The following MAP4 variants were observed in gnomAD, a reference collection of about 807,000 sequenced individuals.
MAP4 encodes the protein microtubule associated protein 4.
In MAP4, 76 loss-of-function variants were observed where a neutral mutation model predicts 170.2. That is an observed-to-expected ratio of 0.45 (90% CI 0.37 to 0.54). MAP4 has a LOEUF of 0.54. MAP4 is among the 20% of genes least tolerant of loss of function. The pLI, the probability that MAP4 is intolerant of heterozygous loss-of-function variation, is 0.00. For missense variants in MAP4, 2,506 were observed against 2,748.0 expected, an observed-to-expected ratio of 0.91 and a Z score of 1.97; for synonymous variants, 909 against 994.5, an observed-to-expected ratio of 0.91 and a Z score of 1.62.
intron 17 of MAP4, among the ~76,000 whole-genome samples, chr3:47,859,340 C>T (rs917014657): frequency 2.6e-5 from 4 of 152,170 alleles, no homozygotes; most frequent in Admixed American, 6.5e-5. Flanking sequence ...CCTTCTTGAG[C>T]CCTGTTTTCC....
At chr3:48,012,581 T>G (rs943722994) in intron 1 of MAP4, among the ~76,000 whole-genome samples, 1 of 152,174 alleles carries the variant, frequency 6.6e-6, no homozygotes, top group Non-Finnish European at 1.5e-5. Context: ...TTAAATATCA[T>G]TTATCAGAAT....
At chr3:47,952,034 C>G (rs1364807883) in intron 3 of MAP4, among the ~76,000 whole-genome samples, 1 of 151,182 alleles carries the variant, frequency 6.6e-6, no homozygotes, top group Non-Finnish European at 1.5e-5. Context: ...CGCCTCTGCC[C>G]GGCCGCGACC....
chr3:47,861,516 C>A (rs984667644), intron 17 of MAP4, among the ~76,000 whole-genome samples: 1 of 151,794 alleles, frequency 6.6e-6, no homozygotes, highest in Admixed American at 6.6e-5. Context: ...CCACGCCCAG[C>A]TGATTTTTGT....
chr3:47,881,191 T>C (rs558502790), intron 10 of MAP4, among the ~76,000 whole-genome samples: 2 of 152,004 alleles, frequency 1.3e-5, no homozygotes, highest in South Asian at 4.2e-4. Flanking sequence ...ACACGTAATC[T>C]TTAATCCCAG....
chr3:47,978,748 CTTT>C (rs541932430), intron 2 of MAP4, among the ~76,000 whole-genome samples: 3 of 135,828 alleles, frequency 2.2e-5, no homozygotes, highest in Admixed American at 7.4e-5. Flanking sequence ...TTTTTTCCCT[CTTT>C]TTTTTTTTTT....
intron 1 of MAP4, among the ~76,000 whole-genome samples, chr3:48,064,038 AAACT>A (rs1176517023): frequency 1.3e-5 from 2 of 152,076 alleles, no homozygotes; most frequent in Non-Finnish European, 2.9e-5. Flanking sequence ...GACTTAGCCC[AAACT>A]AACTTTGTTT....
At chr3:48,048,807 T>G (rs535813998) in intron 1 of MAP4, among the ~76,000 whole-genome samples, 2 of 152,192 alleles carry the variant, frequency 1.3e-5, no homozygotes, top group Non-Finnish European at 2.9e-5. Context: ...ACTATTTTTT[T>G]TAACCTGCAT....
At position 47,892,357 on chromosome 3, in the gene MAP4, C is replaced by G. The variant is rs1383763583; in HGVS notation, c.5434+10593G>C. The stretch of plus-strand genomic sequence containing the variant: ...TCAGCCCAATTTCATTCAGTTTGCC[C>G]TCTGTCCTCTGCCATTCGAATCCGG... On this transcript the variant is annotated intron_variant, in intron 10 of 20. Coordinates refer to ENST00000683076, the MANE Select transcript of MAP4 (RefSeq NM_001385682.1). 2.6e-6 allele frequency: 4 copies of G among 1,536,220 alleles called. No homozygotes were observed. The African/African-American group carries it at 4.1e-5, about 16-fold the overall frequency.
intron 1 of MAP4, among the ~76,000 whole-genome samples, chr3:48,068,812 T>C (rs2100139639): frequency 6.6e-6 from 1 of 152,224 alleles, no homozygotes; most frequent in African/African-American, 2.4e-5. Context: ...CAGTTCACCA[T>C]GCCAGGCTCC....
intron 3 of MAP4, chr3:47,973,817 T>C: frequency 3.0e-6 from 3 of 985,300 alleles, no homozygotes; most frequent in Non-Finnish European, 3.6e-6. Flanking sequence ...ACTTAATAAA[T>C]AACTGTACAC....
rs367847244 is a variant in MAP4 at position 47,877,484 on chromosome 3, C to G, written c.5474G>C (p.Gly1825Ala). ...TGGGGTGGTGATGTCATTTCCTGTC[C>G]CACTCACCACAGGCCTTCCTTCTTC... The part of the protein sequence containing the change: ...RPEEGRPVVS[G>A]TGNDITTPPN... Residue 1825 changes from glycine (G) to alanine (A), a missense_variant, in exon 11 of 21, where the codon GGG (glycine) becomes GCG (alanine). Gly to Ala is a moderately conservative substitution (Grantham distance 60, BLOSUM62 0). Around this residue, in one of 3 missense-constraint regions of MAP4, gnomAD observed 2,008 missense variants for 2,206.0 expected, o/e 0.91. Transcript: ENST00000683076. 4 of 1,613,932 alleles carry G rather than the reference C, an allele frequency of 2.5e-6. No individual in the cohort carries two copies. The highest frequency in any genetic ancestry group is 3.4e-6 in the Non-Finnish European group (4 of 1,179,982).
At chr3:47,864,582 C>T (rs1345671117) in intron 17 of MAP4, among the ~76,000 whole-genome samples, 1 of 152,046 alleles carries the variant, frequency 6.6e-6, no homozygotes, top group African/African-American at 2.4e-5. Context: ...GAGGCTGAAG[C>T]AGGAGAATAG....
intron 1 of MAP4, among the ~76,000 whole-genome samples, chr3:48,057,230 T>C (rs1261149286): frequency 7.0e-6 from 1 of 142,558 alleles, no homozygotes; most frequent in Non-Finnish European, 1.5e-5. Flanking sequence ...TGGAAGGAAG[T>C]AGACATGGGA....
At chr3:47,917,472 G>A (rs2100040365) in intron 6 of MAP4, among the ~76,000 whole-genome samples, 1 of 151,680 alleles carries the variant, frequency 6.6e-6, no homozygotes, top group Non-Finnish European at 1.5e-5. Context: ...TGTAATCCCA[G>A]CTACTTGGGA....
chr3:47,998,839 C>T lies in MAP4; in HGVS notation c.22G>A (p.Asp8Asn), dbSNP rs1342050476. 3 of 1,614,170 alleles carry T rather than the reference C, an allele frequency of 1.9e-6. No homozygotes were observed. Among genetic ancestry groups the T allele is most frequent in the Non-Finnish European group, 1.7e-6 (2 of 1,179,974 alleles). Residue 8 changes from aspartate (D) to asparagine (N), a missense_variant, in exon 2 of 21, where the codon GAT (aspartate) becomes AAT (asparagine). Transcript: ENST00000683076. MADLSLA[D>N]ALTEPSPDIE... ...TCTGGAGATGGTTCTGTTAATGCAT[C>T]TGCAAGACTGAGGTCAGCCATTCTG...
At chr3:48,015,872 C>T (rs1237541973) in intron 1 of MAP4, among the ~76,000 whole-genome samples, 1 of 152,200 alleles carries the variant, frequency 6.6e-6, no homozygotes, top group Non-Finnish European at 1.5e-5. Flanking sequence ...CCAAACCAGA[C>T]TTGCAGATAG....
intron 3 of MAP4, among the ~76,000 whole-genome samples, chr3:47,967,291 G>T (rs2100075681): frequency 6.6e-6 from 1 of 151,878 alleles, no homozygotes; most frequent in Non-Finnish European, 1.5e-5. Flanking sequence ...GCCATGAACG[G>T]GTCACTGCAC....
intron 1 of MAP4, among the ~76,000 whole-genome samples, chr3:48,036,443 T>C (rs1384818437): frequency 2.0e-5 from 3 of 152,148 alleles, no homozygotes; most frequent in African/African-American, 7.2e-5. Flanking sequence ...CTCCTGTTTT[T>C]TAATTCTTAA....
intron 1 of MAP4, among the ~76,000 whole-genome samples, chr3:48,004,853 C>T (rs933802082): frequency 3.3e-5 from 5 of 152,154 alleles, no homozygotes; most frequent in African/African-American, 1.2e-4. Context: ...TCCCCGCCAT[C>T]AACCTTTCCA....
Sources: allele counts gnomAD v4.1 joint callset (sites outside exome capture counted in the v4.1 genomes callset), GRCh38; gene constraint gnomAD v4.1.1; regional missense constraint gnomAD v4.1.1; transcripts MANE v1.5; gene names NCBI Gene and HGNC (gene_info 2026-07-23, HGNC 2026-07-21).